FARP1: variants seen among roughly 807,000 people sequenced by gnomAD.
FARP1 encodes FERM, ARHGEF and pleckstrin domain-containing protein 1.
Under a neutral mutation model 128.8 loss-of-function variants are expected in FARP1, and 52 were observed. That is an observed-to-expected ratio of 0.40 (90% CI 0.32 to 0.51). The LOEUF is 0.51. Among genes scored for constraint, FARP1 ranks in the 20% least tolerant of loss-of-function variants. The pLI is 0.45. For missense variants in FARP1, 1,333 were observed against 1,367.9 expected (o/e 0.97, Z 0.40); for synonymous variants, 580 against 551.8 (o/e 1.05, Z -0.72).
chr13:98,388,365 T>C lies in FARP1; in HGVS notation c.760-18T>C. 1 of 1,598,610 alleles carries C rather than the reference T, an allele frequency of 6.3e-7. No individual in the cohort carries two copies. Among genetic ancestry groups the C allele is most frequent in the Non-Finnish European group, 8.6e-7 (1 of 1,165,890 alleles). ...TGTTATGCATTTCCTGGCTCACTGC[T>C]ACTGTCTTTCTTTTTAGGGTTTCAC... On this transcript the variant is annotated intron_variant, in intron 8 of 26. Coordinates refer to ENST00000319562, the MANE Select transcript of FARP1 (RefSeq NM_005766.4).
intron 21 of FARP1, 149 bp from the exon 22 acceptor site, chr13:98,439,812 C>T: frequency 1.6e-6 from 1 of 610,022 alleles, no homozygotes; most frequent in Non-Finnish European, 2.9e-6. Flanking sequence ...TTTTCCAACT[C>T]AGAGTGCCTT....
At chr13:98,361,155 C>G (rs147379926) in intron 3 of FARP1, among the ~76,000 whole-genome samples, 1 of 152,266 alleles carries the variant, frequency 6.6e-6, no homozygotes, top group East Asian at 1.9e-4. Context: ...TGGTTTAAGT[C>G]CAGCGTGCCC....
At chr13:98,276,567 T>G (rs201858702) in intron 2 of FARP1, among the ~76,000 whole-genome samples, 37,072 of 152,006 alleles carry the variant, frequency 0.24, 5,211 homozygotes, top group South Asian at 0.45. Context: ...TGGATAACTT[T>G]TTTTCTTGCT....
rs1479692210 is a variant in FARP1, at chr13:98,391,647, C to T, written c.1088+767C>T. ...GCCCTTAGTGTGTGCCAGGCTGTTC[C>T]GAGCACTGGGCCTGAGTGAACTCAT... On this transcript the variant is annotated intron_variant, in intron 11 of 26. Coordinates refer to ENST00000319562, the MANE Select transcript of FARP1 (RefSeq NM_005766.4). Among the ~76,000 whole-genome samples, 8 of 152,166 alleles carry T rather than the reference C, an allele frequency of 5.3e-5. No homozygotes were observed. The East Asian group carries it at 1.2e-3, about 22-fold the overall frequency.
intron 2 of FARP1, among the ~76,000 whole-genome samples, chr13:98,341,881 G>A (rs1179947804): frequency 1.3e-5 from 2 of 152,160 alleles, no homozygotes; most frequent in Admixed American, 6.5e-5. Flanking sequence ...TGCATGAATA[G>A]TATTGATTTC....
intron 2 of FARP1, among the ~76,000 whole-genome samples, chr13:98,256,817 C>T (rs1423012218): frequency 6.7e-5 from 10 of 149,270 alleles, no homozygotes; most frequent in Non-Finnish European, 1.5e-4. Flanking sequence ...GCCTCAGCCT[C>T]CCAAAGTGCT....
At chr13:98,381,478 T>C (rs1471742846) in intron 6 of FARP1, 1 of 152,254 alleles carries the variant, frequency 6.6e-6, no homozygotes, top group Non-Finnish European at 1.5e-5. Context: ...TTTCATTTGT[T>C]CCTCCGTCAC....
At chr13:98,398,144 T>C (rs936256848) in intron 13 of FARP1, 4 of 152,200 alleles carry the variant, frequency 2.6e-5, no homozygotes, top group African/African-American at 7.2e-5. Flanking sequence ...ACAAATGATA[T>C]CTGTCCACAT....
intron 1 of FARP1, among the ~76,000 whole-genome samples, chr13:98,198,326 C>T (rs562481485): frequency 1.3e-5 from 2 of 152,282 alleles, no homozygotes; most frequent in South Asian, 2.1e-4. Flanking sequence ...CTCAACATAG[C>T]CCAAAACTGG....
At chr13:98,348,944 G>A (rs1413860547) in intron 3 of FARP1, among the ~76,000 whole-genome samples, 2 of 151,714 alleles carry the variant, frequency 1.3e-5, no homozygotes, top group Non-Finnish European at 2.9e-5. Flanking sequence ...TGTGTAACCA[G>A]GATCCACACA....
chr13:98,401,076 A>G (rs1890742110), intron 13 of FARP1: 1 of 152,174 alleles, frequency 6.6e-6, no homozygotes, highest in Non-Finnish European at 1.5e-5. Context: ...TCCACTTAAA[A>G]TGGTAGCTCT....
chr13:98,213,286 G>A lies in FARP1; in HGVS notation c.44G>A (p.Gly15Glu), dbSNP rs780718364. 2.5e-6 allele frequency: 4 copies of A among 1,613,930 alleles called. No individual in the cohort carries two copies. The highest frequency in any genetic ancestry group is 1.3e-5 in the African/African-American group (1 of 74,906). ...AGGCCGACCCCAGGATCACGACTGG[G>A]GGCCCCGGAAAATTCGGGGATCAGT... ...EQRPTPGSRLGAPENSGISTL... is the reference protein window; with the variant it reads ...EQRPTPGSRLEAPENSGISTL... The change falls in exon 2 of 27, where the codon GGG becomes GAG. Residue 15 changes from glycine (G) to glutamate (E), a missense_variant. This residue lies in a region of FARP1 where 324 missense variants were observed against 398.1 expected (regional missense o/e 0.81). Coordinates refer to ENST00000319562, the MANE Select transcript of FARP1 (RefSeq NM_005766.4).
At chr13:98,257,578 C>G (rs1389238931) in intron 2 of FARP1, among the ~76,000 whole-genome samples, 16 of 152,164 alleles carry the variant, frequency 1.1e-4, no homozygotes, top group Non-Finnish European at 2.9e-5. Context: ...TGAGACCAGC[C>G]TGACCAACAT....
chr13:98,406,514 C>G (rs969900605), intron 13 of FARP1: 1 of 152,226 alleles, frequency 6.6e-6, no homozygotes, highest in African/African-American at 2.4e-5. Flanking sequence ...GCTGGAGTAG[C>G]GTCTTGGGAA....
chr13:98,242,228 C>T (rs867608812), intron 2 of FARP1, among the ~76,000 whole-genome samples: 1 of 152,170 alleles, frequency 6.6e-6, no homozygotes, highest in Non-Finnish European at 1.5e-5. Context: ...TCGTAGCGTA[C>T]TCCCCCTCCC....
At chr13:98,356,612 C>T (rs987671983) in intron 3 of FARP1, among the ~76,000 whole-genome samples, 53 of 126,530 alleles carry the variant, frequency 4.2e-4, no homozygotes, top group Admixed American at 6.7e-4. Context: ...AGAAATTACC[C>T]TTTTAAAATT....
intron 2 of FARP1, among the ~76,000 whole-genome samples, chr13:98,232,144 G>GTTTTTTT (rs1555329634): frequency 0.018 from 1,980 of 111,222 alleles, 170 homozygotes; most frequent in African/African-American, 0.028. Context: ...TTGTTTGGTT[G>GTTTTTTT]GTTTTTTTTT....
At chr13:98,182,895 C>G (rs974350723) in intron 1 of FARP1, among the ~76,000 whole-genome samples, 7 of 152,158 alleles carry the variant, frequency 4.6e-5, no homozygotes, top group African/African-American at 1.7e-4. Flanking sequence ...TGGATGTGCC[C>G]ATGAGGTTCT....
intron 3 of FARP1, among the ~76,000 whole-genome samples, chr13:98,345,851 T>C (rs893756490): frequency 5.3e-5 from 8 of 152,202 alleles, no homozygotes; most frequent in African/African-American, 1.9e-4. Flanking sequence ...TGTGAATGAA[T>C]ACATGTGTTT....
Sources: allele counts gnomAD v4.1 joint callset (sites outside exome capture counted in the v4.1 genomes callset), GRCh38; gene constraint gnomAD v4.1.1; regional missense constraint gnomAD v4.1.1; transcripts MANE v1.5; gene names NCBI Gene and HGNC (gene_info 2026-07-23, HGNC 2026-07-21).